Variants in VAV2 observed in about 807,000 individuals in gnomAD.
VAV2 encodes the protein vav guanine nucleotide exchange factor 2.
Under a neutral mutation model 132.5 loss-of-function variants are expected in VAV2, and 67 were observed. The ratio of observed to expected loss-of-function variants is 0.51; its 90% CI spans 0.42 to 0.62. The LOEUF (loss-of-function observed/expected upper bound fraction) is 0.62, where lower values mean the gene tolerates loss of function less well. VAV2 is among the 20% of genes least tolerant of loss of function. The pLI is 0.00. For synonymous variants in VAV2, 492 were observed against 443.5 expected (o/e 1.11, Z -1.37); for missense variants, 938 against 1,153.6 (o/e 0.81, Z 2.71).
At chr9:133,968,063 G>A (rs1382145708) in intron 1 of VAV2, among the ~76,000 whole-genome samples, 1 of 152,090 alleles carries the variant, frequency 6.6e-6, no homozygotes, top group East Asian at 1.9e-4. Flanking sequence ...GGGGCGACAG[G>A]AAAGTGAAGA....
chr9:133,865,841 G>T (rs950282019), intron 2 of VAV2, among the ~76,000 whole-genome samples: 6 of 152,214 alleles, frequency 3.9e-5, no homozygotes, highest in Admixed American at 2.6e-4. Context: ...GTTTTCCATG[G>T]GTGGAGGGAG....
At chr9:133,975,183 G>C (rs1352737694) in intron 1 of VAV2, among the ~76,000 whole-genome samples, 1 of 152,132 alleles carries the variant, frequency 6.6e-6, no homozygotes, top group East Asian at 1.9e-4. Flanking sequence ...TACTAGGAAA[G>C]GCAGGCACCC....
Position 133,834,875 on chromosome 9 carries a change from AAG to A in VAV2, c.381-537_381-536del, listed in dbSNP as rs746762037. ...CACCAGCCACTGGCTTGAGGTCAGG[AAG>A]AGAGTCCCGAAAATGAAAAGCCCTC... On this transcript the variant is annotated intron_variant, in intron 3 of 29. Coordinates refer to ENST00000371850, the MANE Select transcript of VAV2 (RefSeq NM_001134398.2). The surrounding 1 kb of genome is among the most constrained non-coding windows in gnomAD (Gnocchi z 5.9). 4.2e-4 allele frequency among the ~76,000 whole-genome samples: 64 copies of A among 152,198 alleles called. No individual in the cohort carries two copies. The highest frequency in any genetic ancestry group is 6.5e-4 in the Non-Finnish European group (44 of 67,986).
intron 2 of VAV2, among the ~76,000 whole-genome samples, chr9:133,895,517 C>A (rs2810472): frequency 6.6e-6 from 1 of 152,084 alleles, no homozygotes; most frequent in Non-Finnish European, 1.5e-5. Flanking sequence ...TGATTCTCAC[C>A]GCAACGTGCC....
At chr9:133,798,638 G>A (rs562294984) in intron 9 of VAV2, among the ~76,000 whole-genome samples, 12 of 152,262 alleles carry the variant, frequency 7.9e-5, no homozygotes, top group African/African-American at 1.7e-4. Context: ...TAACCCCACC[G>A]ACAGGGCAGT....
intron 3 of VAV2, among the ~76,000 whole-genome samples, chr9:133,851,374 C>T (rs1837160606): frequency 6.6e-6 from 1 of 152,216 alleles, no homozygotes; most frequent in Non-Finnish European, 1.5e-5. Context: ...GAGAACTTTA[C>T]AGACATCATC....
intron 2 of VAV2, among the ~76,000 whole-genome samples, chr9:133,927,256 G>A (rs537530784): frequency 2.6e-5 from 4 of 152,208 alleles, no homozygotes; most frequent in East Asian, 1.9e-4. Context: ...CCACACCCAC[G>A]GCAGACAACG....
chr9:133,846,761 C>T (rs77319040), intron 3 of VAV2, among the ~76,000 whole-genome samples: 2,129 of 152,352 alleles, frequency 0.014, 54 homozygotes, highest in African/African-American at 0.049. Context: ...GACCGTGTCC[C>T]GGGAACTCTG....
chr9:133,904,005 A>G (rs1288252025), intron 2 of VAV2, among the ~76,000 whole-genome samples: 1 of 152,268 alleles, frequency 6.6e-6, no homozygotes, highest in African/African-American at 2.4e-5. Context: ...TACTTCATCT[A>G]TCCCTAAAAG....
intron 3 of VAV2, among the ~76,000 whole-genome samples, chr9:133,854,356 T>C (rs1837309907): frequency 6.6e-6 from 1 of 152,140 alleles, no homozygotes; most frequent in Non-Finnish European, 1.5e-5. Flanking sequence ...CGCACACCCA[T>C]ACACACGCAC....
At chr9:133,839,792 C>G (rs1836645739) in intron 3 of VAV2, among the ~76,000 whole-genome samples, 2 of 152,222 alleles carry the variant, frequency 1.3e-5, no homozygotes, top group African/African-American at 2.4e-5. Flanking sequence ...AGAGATCACA[C>G]AGAGGTATTT....
At chr9:133,908,099 T>G (rs929529696) in intron 2 of VAV2, among the ~76,000 whole-genome samples, 4 of 71,470 alleles carry the variant, frequency 5.6e-5, no homozygotes, top group East Asian at 5.1e-4. Context: ...GGAGGGAGGG[T>G]CTGGGGGCAC....
At chr9:133,803,375 C>T (rs576542122) in intron 9 of VAV2, among the ~76,000 whole-genome samples, 1 of 152,062 alleles carries the variant, frequency 6.6e-6, no homozygotes, top group Admixed American at 6.5e-5. Flanking sequence ...CCTGCCCCCA[C>T]GTCCCCGTAT....
At chr9:133,822,283 T>A (rs1156848388) in intron 4 of VAV2, among the ~76,000 whole-genome samples, 1 of 152,232 alleles carries the variant, frequency 6.6e-6, no homozygotes, top group African/African-American at 2.4e-5. Flanking sequence ...GGCTGTCTGA[T>A]GCTGCCAAGC....
In VAV2 at chr9:133,991,604, C is replaced by T. The variant is rs1043229846; in HGVS notation, c.204+471G>A. Among the ~76,000 whole-genome samples, 3 of 151,664 alleles carry T rather than the reference C, an allele frequency of 2.0e-5. No individual in the cohort carries two copies. The highest frequency in any genetic ancestry group is 6.6e-5 in the Admixed American group (1 of 15,226). On this transcript the variant is annotated intron_variant, in intron 1 of 29. Coordinates refer to ENST00000371850, the MANE Select transcript of VAV2 (RefSeq NM_001134398.2). This position sits in a 1 kb window ranked among gnomAD's most constrained non-coding sequence, Gnocchi z 4.8. ...CCCCGAGGGCTCCCGCCCCGCGCCC[C>T]TCCCGGGCCCTCCAGCCGCGCCCCG...
Position 133,823,728 on chromosome 9 carries a change from C to T in VAV2, c.449+10544G>A, listed in dbSNP as rs571178793. On this transcript the variant is annotated intron_variant, in intron 4 of 29. Coordinates refer to ENST00000371850, the MANE Select transcript of VAV2 (RefSeq NM_001134398.2). This position sits in a 1 kb window ranked among gnomAD's most constrained non-coding sequence, Gnocchi z 5.5. Reference sequence around the variant, plus strand: ...GTATGTCTTTAAAGCTGCCCTTCTGCGCCGGTCCCCTCCCTCTGCAGAGAC... The same window carrying T: ...GTATGTCTTTAAAGCTGCCCTTCTGTGCCGGTCCCCTCCCTCTGCAGAGAC... Among the ~76,000 whole-genome samples, 75 of 152,286 alleles carry T rather than the reference C, an allele frequency of 4.9e-4. No homozygotes were observed. The highest frequency in any genetic ancestry group is 5.9e-4 in the Non-Finnish European group (40 of 68,018).
At chr9:133,983,891 C>T (rs111464895) in intron 1 of VAV2, among the ~76,000 whole-genome samples, 69 of 152,050 alleles carry the variant, frequency 4.5e-4, no homozygotes, top group Non-Finnish European at 8.5e-4. Context: ...TACTGTCCCT[C>T]CAAGGAGGCT....
Position 133,791,772 on chromosome 9 carries a change from G to T in VAV2, c.1188+11C>A. 1 of 1,612,906 alleles carries T rather than the reference G, an allele frequency of 6.2e-7. No individual in the cohort carries two copies. On this transcript the variant is annotated intron_variant, in intron 13 of 29. Transcript: ENST00000371850. ...CGACCTTCCCTAGCCTGAAGAGTCA[G>T]TCTCACTCACCAAATTTTCTATAGA...
rs553160111 is a variant in VAV2 at position 133,823,610 on chromosome 9, G to A, written c.449+10662C>T. Among the ~76,000 whole-genome samples, 100 of 152,290 alleles carry A rather than the reference G, an allele frequency of 6.6e-4. No homozygotes were observed. Among genetic ancestry groups the A allele is most frequent in the South Asian group, 1.7e-3 (8 of 4,822 alleles). ...AACAGCACGAGGAGGGCGATTTAGA[G>A]GGGGAGGGACCTTCATCAGACACAG... On this transcript the variant is annotated intron_variant, in intron 4 of 29. Coordinates refer to ENST00000371850, the MANE Select transcript of VAV2 (RefSeq NM_001134398.2). This position sits in a 1 kb window ranked among gnomAD's most constrained non-coding sequence, Gnocchi z 5.5.
Sources: allele counts gnomAD v4.1 joint callset (sites outside exome capture counted in the v4.1 genomes callset), GRCh38; gene constraint gnomAD v4.1.1; non-coding constraint Gnocchi (gnomAD v3.1); transcripts MANE v1.5; gene names NCBI Gene and HGNC (gene_info 2026-07-23, HGNC 2026-07-21).